STYXL1: variants seen among roughly 807,000 people sequenced by gnomAD.
STYXL1 encodes the protein serine/threonine/tyrosine-interacting-like protein 1.
In STYXL1, 32 loss-of-function variants were observed where a neutral mutation model predicts 36.4. The ratio of observed to expected loss-of-function variants is 0.88; its 90% CI spans 0.66 to 1.18. The LOEUF is 1.18. Among genes scored for constraint, STYXL1 ranks in the 50% most tolerant of loss-of-function variants. The pLI is 0.00. For missense variants in STYXL1, 354 were observed against 394.1 expected (o/e 0.90, Z 0.86); for synonymous variants, 133 against 144.1 (o/e 0.92, Z 0.55).
intron 7 of STYXL1, among the ~76,000 whole-genome samples, chr7:76,001,297 G>C (rs1452169316): frequency 6.6e-6 from 1 of 152,144 alleles, no homozygotes; most frequent in Non-Finnish European, 1.5e-5. Flanking sequence ...GCTACCAACT[G>C]GCCTCCCAGT....
At chr7:76,005,882 AGAGGAGGAGGAGGAGGAGAGAGGAGGAG>A (rs1563468223) in intron 5 of STYXL1, among the ~76,000 whole-genome samples, 1 of 76,662 alleles carries the variant, frequency 1.3e-5, no homozygotes, top group Non-Finnish European at 2.7e-5. Context: ...AGAGGAGGAG[AGAGGAGGAGGAGGAGGAGAGAGGAGGAG>A]GAGGAGGAGG....
At position 76,005,264 on chromosome 7, in the gene STYXL1, C is replaced by T. The variant is rs1791529944; in HGVS notation, c.594G>A (p.Gly198=). The change falls in exon 6 of 9, where the codon GGG becomes GGA. Residue 198 remains glycine (G), a synonymous_variant. Transcript: ENST00000359697. ...AGTAGTTTCTCTTTACTTACAAGGG[C>T]CCTGTATCCATGGAGACATTGACAT... ...KAHVNVSMDT[G]PFFAGDADKL... is the part of the protein sequence containing the mutation. 2.5e-6 allele frequency: 4 copies of T among 1,572,190 alleles called. No individual in the cohort carries two copies. In the South Asian group the frequency reaches 4.7e-5, roughly 19 times the overall value.
At chr7:76,008,717 G>T (rs141350850) in intron 5 of STYXL1, among the ~76,000 whole-genome samples, 1 of 152,010 alleles carries the variant, frequency 6.6e-6, no homozygotes, top group Non-Finnish European at 1.5e-5. Flanking sequence ...TAAAAATCTC[G>T]CTAAAAGGCC....
chr7:76,017,436 T>C (rs1793508526), intron 4 of STYXL1, among the ~76,000 whole-genome samples: 1 of 152,128 alleles, frequency 6.6e-6, no homozygotes, highest in Non-Finnish European at 1.5e-5. Flanking sequence ...GAGGCCATCA[T>C]CCTAAACGAA....
At chr7:76,038,714 C>CTGCG (rs1796189363) in intron 1 of STYXL1, among the ~76,000 whole-genome samples, 2 of 150,170 alleles carry the variant, frequency 1.3e-5, no homozygotes, top group African/African-American at 5.0e-5. Flanking sequence ...GCGTGAGCCA[C>CTGCG]CGTTGAATGA....
chr7:76,039,874 C>T (rs782013752), intron 1 of STYXL1, among the ~76,000 whole-genome samples: 11 of 152,040 alleles, frequency 7.2e-5, no homozygotes, highest in African/African-American at 1.2e-4. Context: ...CTCAAACTCC[C>T]GACCTCAGGT....
At chr7:76,026,617 T>C (rs1408226299) in intron 3 of STYXL1, among the ~76,000 whole-genome samples, 3 of 152,208 alleles carry the variant, frequency 2.0e-5, no homozygotes, top group Non-Finnish European at 4.4e-5. Flanking sequence ...GGAATGCTAA[T>C]TGCATGTGGA....
At chr7:76,001,914 A>G (rs1790989699) in intron 7 of STYXL1, among the ~76,000 whole-genome samples, 1 of 149,190 alleles carries the variant, frequency 6.7e-6, no homozygotes, top group Non-Finnish European at 1.5e-5. Flanking sequence ...TACTGGAATG[A>G]CAGGTAAGAA....
In STYXL1 at chr7:76,013,091, G is replaced by A. The variant is rs549901904; in HGVS notation, c.453+651C>T. Among the ~76,000 whole-genome samples the A allele has an allele frequency of 5.3e-5, 8 of 152,268 alleles. No homozygotes were observed. The South Asian group carries it at 1.0e-3, about 20-fold the overall frequency. The stretch of plus-strand genomic sequence containing the variant: ...TGTGATCCCAGCACTTTGGAAAGCC[G>A]AGGCAGGTGGATCACTTGAGGTCAG... On this transcript the variant is annotated intron_variant, in intron 5 of 8. Transcript: ENST00000359697.
intron 1 of STYXL1, among the ~76,000 whole-genome samples, chr7:76,033,587 G>A (rs1383070102): frequency 6.6e-6 from 1 of 152,160 alleles, no homozygotes; most frequent in Non-Finnish European, 1.5e-5. Context: ...ACCAGACGAT[G>A]CTCCTGGGAA....
At chr7:76,005,872 A>AGAGGAGGAGAGAG (rs1791653001) in intron 5 of STYXL1, among the ~76,000 whole-genome samples, 1 of 23,182 alleles carries the variant, frequency 4.3e-5, no homozygotes, top group Admixed American at 4.8e-4. Context: ...GGAGGAAGAG[A>AGAGGAGGAGAGAG]GAGGAGGAGA....
At chr7:76,041,040 T>TA (rs1796431579) in intron 1 of STYXL1, among the ~76,000 whole-genome samples, 1 of 151,732 alleles carries the variant, frequency 6.6e-6, no homozygotes, top group Admixed American at 6.6e-5. Context: ...AGGAGCGGTT[T>TA]AAAATACTTC....
chr7:76,021,986 T>C lies in STYXL1; in HGVS notation c.172A>G (p.Asn58Asp). Residue 58 changes from asparagine (N) to aspartate (D), a missense_variant, in exon 4 of 9, where the codon AAT (asparagine) becomes GAT (aspartate). Coordinates refer to ENST00000359697, the MANE Select transcript of STYXL1 (RefSeq NM_001317785.2). ...ITALRVKKKN[N>D]EYLLPESVDL... is the part of the protein sequence containing the mutation. ...ACAGACTCCGGGAGAAGATATTCAT[T>C]ATTTTTCTTAAAAAAAAAAACACAC... is the stretch of plus-strand genomic sequence containing the variant. 1 of 1,600,160 alleles carries C rather than the reference T, an allele frequency of 6.2e-7. No homozygotes were observed. Among genetic ancestry groups the C allele is most frequent in the Non-Finnish European group, 8.5e-7 (1 of 1,177,506 alleles).
chr7:76,033,881 G>A (rs75207272), intron 1 of STYXL1, among the ~76,000 whole-genome samples: 2,240 of 152,250 alleles, frequency 0.015, 67 homozygotes, highest in East Asian at 0.12. Flanking sequence ...CTGGCTCTGC[G>A]ATTCACTATC....
chr7:76,005,516 G>C, intron 5 of STYXL1, 112 bp from the exon 6 acceptor site: 1 of 1,022,886 alleles, frequency 9.8e-7, no homozygotes, highest in Non-Finnish European at 1.5e-6. Context: ...TTCCAGGACA[G>C]TGAATGTGAC....
At chr7:76,022,018 AAG>A (rs1554576439) in intron 3 of STYXL1, 26 bp from the exon 4 acceptor site, 1 of 1,592,660 alleles carries the variant, frequency 6.3e-7, no homozygotes, top group Non-Finnish European at 8.5e-7. Context: ...ACACACACAC[AAG>A]AGAGGCCTGT....
chr7:76,030,820 C>T (rs906787380), intron 1 of STYXL1, among the ~76,000 whole-genome samples: 12 of 139,188 alleles, frequency 8.6e-5, no homozygotes, highest in Non-Finnish European at 1.4e-4. Flanking sequence ...AAGACCAGCC[C>T]GGCCAACAAT....
At chr7:76,042,824 G>A (rs1796605725) in intron 1 of STYXL1, among the ~76,000 whole-genome samples, 2 of 152,132 alleles carry the variant, frequency 1.3e-5, no homozygotes, top group Admixed American at 1.3e-4. Flanking sequence ...GCATCTTTCT[G>A]ATTCCAAACA....
chr7:76,004,926 A>C (rs564865037), intron 6 of STYXL1, among the ~76,000 whole-genome samples: 3 of 143,036 alleles, frequency 2.1e-5, no homozygotes, highest in Non-Finnish European at 3.1e-5. Flanking sequence ...GCGTGAACCC[A>C]GGAGGCGGAG....
Sources: gnomAD v4.1 joint callset for allele counts (sites outside exome capture counted in the v4.1 genomes callset) on GRCh38, gnomAD v4.1.1 for gene constraint, MANE v1.5 for transcripts, NCBI Gene and HGNC (gene_info 2026-07-23, HGNC 2026-07-21) for gene names.